Variants in ATRNL1 observed in about 807,000 individuals in gnomAD.
The protein encoded by ATRNL1 is attractin-like protein 1.
ATRNL1 carries 95 observed loss-of-function variants against 182.7 expected under a neutral mutation model. The ratio of observed to expected loss-of-function variants is 0.52; its 90% CI spans 0.44 to 0.62. The LOEUF (loss-of-function observed/expected upper bound fraction) is 0.62. Among genes scored for constraint, ATRNL1 ranks in the 20% least tolerant of loss-of-function variants. The pLI is 0.00. For missense variants in ATRNL1, 1,471 were observed against 1,679.5 expected, an observed-to-expected ratio of 0.88 and a Z score of 2.17; for synonymous variants, 576 against 568.3, an observed-to-expected ratio of 1.01 and a Z score of -0.19.
At position 115,741,637 on chromosome 10, in the gene ATRNL1, GA is replaced by G. The variant is rs1342060902; in HGVS notation, c.3903+14283del. On this transcript the variant is annotated intron_variant, in intron 27 of 28. Coordinates refer to ENST00000355044, the MANE Select transcript of ATRNL1 (RefSeq NM_207303.4). The stretch of plus-strand genomic sequence containing the variant: ...ACTGGATTGAAGAATAATTGAGGTA[GA>G]GAAACAATTTGGAAGGGCAGGCGCT... 6.6e-5 allele frequency among the ~76,000 whole-genome samples: 10 copies of G among 152,170 alleles called. 1 individual carries two copies. The highest frequency in any genetic ancestry group is 1.0e-4 in the Non-Finnish European group (7 of 68,032).
At chr10:115,145,606 G>A (rs1554879144) in intron 5 of ATRNL1, among the ~76,000 whole-genome samples, 3 of 152,146 alleles carry the variant, frequency 2.0e-5, no homozygotes, top group African/African-American at 7.2e-5. Flanking sequence ...GAATACTTTG[G>A]ATACTGTAAC....
chr10:115,942,287 A>G (rs1053982043), intron 28 of ATRNL1, among the ~76,000 whole-genome samples: 2 of 152,222 alleles, frequency 1.3e-5, no homozygotes, highest in Non-Finnish European at 2.9e-5. Flanking sequence ...CATGGAACTT[A>G]TGTCTGCTGG....
intron 5 of ATRNL1, among the ~76,000 whole-genome samples, chr10:115,145,090 A>G (rs1310140461): frequency 6.6e-6 from 1 of 152,124 alleles, no homozygotes; most frequent in African/African-American, 2.4e-5. Context: ...TTTTTGAAAT[A>G]TGATTTTGAC....
Position 115,821,908 on chromosome 10 carries a change from C to T in ATRNL1, c.3904-25969C>T, listed in dbSNP as rs144383225. Among the ~76,000 whole-genome samples the T allele has an allele frequency of 1.0e-2, 1,515 of 152,260 alleles. 31 individuals carry two copies. The highest frequency in any genetic ancestry group is 0.035 in the African/African-American group (1,434 of 41,540). ...TTAACAAGGATATTCAGGACTTGAA[C>T]TCAGCTCTGGACCAAGCGGAGATAA... On this transcript the variant is annotated intron_variant, in intron 27 of 28. Transcript: ENST00000355044.
chr10:115,093,525 G>C lies in ATRNL1; in HGVS notation c.-226G>C. 1 of 676,686 alleles carries C rather than the reference G, an allele frequency of 1.5e-6. No individual in the cohort carries two copies. Among genetic ancestry groups the C allele is most frequent in the Non-Finnish European group, 2.7e-6 (1 of 373,070 alleles). 41.9% of individuals were successfully genotyped at this position (676,686 alleles called of 1,614,324 possible). On this transcript the variant is annotated 5_prime_UTR_variant, in exon 1 of 29. Coordinates refer to ENST00000355044, the MANE Select transcript of ATRNL1 (RefSeq NM_207303.4). This position sits in a 1 kb window ranked among gnomAD's most constrained non-coding sequence, Gnocchi z 6.1. Reference sequence around the variant, plus strand: ...TGTGGGGTCGGCCCGCTAAGGACAAGGTCGGGAGACTGGGTGGCGATGCCC... The same window carrying C: ...TGTGGGGTCGGCCCGCTAAGGACAACGTCGGGAGACTGGGTGGCGATGCCC...
At chr10:115,794,874 A>C (rs1043825606) in intron 27 of ATRNL1, among the ~76,000 whole-genome samples, 4 of 152,180 alleles carry the variant, frequency 2.6e-5, no homozygotes, top group African/African-American at 7.2e-5. Context: ...CTTTCAATTT[A>C]ATATTTCCTT....
At chr10:115,374,281 TCA>T (rs1439765248) in intron 19 of ATRNL1, among the ~76,000 whole-genome samples, 1 of 151,742 alleles carries the variant, frequency 6.6e-6, no homozygotes, top group Non-Finnish European at 1.5e-5. Context: ...GTTTATCTTT[TCA>T]AAGGAAAAAA....
At chr10:115,683,499 T>A (rs1288099651) in intron 26 of ATRNL1, among the ~76,000 whole-genome samples, 2 of 145,782 alleles carry the variant, frequency 1.4e-5, no homozygotes, top group African/African-American at 4.9e-5. Flanking sequence ...CTTTCTGTGT[T>A]GATAGAAACC....
intron 27 of ATRNL1, among the ~76,000 whole-genome samples, chr10:115,847,386 G>A (rs1389632100): frequency 6.6e-6 from 1 of 152,062 alleles, no homozygotes; most frequent in Admixed American, 6.6e-5. Flanking sequence ...GAAAAAATAG[G>A]TAGCTGTATC....
chr10:115,855,927 A>G (rs892529400), intron 28 of ATRNL1, among the ~76,000 whole-genome samples: 5 of 152,198 alleles, frequency 3.3e-5, no homozygotes, highest in African/African-American at 1.2e-4. Flanking sequence ...TGATTTGAAC[A>G]CTGATTTATT....
At chr10:115,189,573 G>GA (rs1311951073) in intron 8 of ATRNL1, among the ~76,000 whole-genome samples, 1 of 151,742 alleles carries the variant, frequency 6.6e-6, no homozygotes, top group Non-Finnish European at 1.5e-5. Flanking sequence ...AATAAAAAGT[G>GA]AAAAAATAGG....
At chr10:115,456,627 G>A (rs1847537667) in intron 21 of ATRNL1, among the ~76,000 whole-genome samples, 1 of 152,098 alleles carries the variant, frequency 6.6e-6, no homozygotes, top group Non-Finnish European at 1.5e-5. Flanking sequence ...AGAACTTAAA[G>A]TATAATAATA....
At chr10:115,110,852 A>G (rs914455532) in intron 1 of ATRNL1, among the ~76,000 whole-genome samples, 2 of 152,236 alleles carry the variant, frequency 1.3e-5, no homozygotes, top group South Asian at 2.1e-4. Flanking sequence ...TAAGCTTTTT[A>G]TAACACCTTG....
At chr10:115,382,010 A>G (rs1264337420) in intron 19 of ATRNL1, among the ~76,000 whole-genome samples, 1 of 152,066 alleles carries the variant, frequency 6.6e-6, no homozygotes, top group Non-Finnish European at 1.5e-5. Flanking sequence ...ATTGGCCATA[A>G]GTGTAATGGT....
intron 24 of ATRNL1, among the ~76,000 whole-genome samples, chr10:115,484,167 T>A (rs890300173): frequency 1.3e-4 from 19 of 151,598 alleles, no homozygotes; most frequent in African/African-American, 4.1e-4. Context: ...TTCATATCTT[T>A]TAAAATTCTA....
intron 24 of ATRNL1, among the ~76,000 whole-genome samples, chr10:115,505,916 G>A (rs1850089055): frequency 1.3e-5 from 2 of 151,324 alleles, no homozygotes; most frequent in Admixed American, 1.3e-4. Context: ...ACCAGAAAGG[G>A]CTGGATTCAG....
chr10:115,365,133 G>A (rs1171912993), intron 19 of ATRNL1, among the ~76,000 whole-genome samples: 4 of 151,846 alleles, frequency 2.6e-5, no homozygotes, highest in African/African-American at 9.7e-5. Context: ...GAATTCGGCT[G>A]TGAATCCATC....
chr10:115,923,873 G>GTGTA, intron 28 of ATRNL1, among the ~76,000 whole-genome samples: 1 of 152,222 alleles, frequency 6.6e-6, no homozygotes, highest in East Asian at 1.9e-4. Context: ...CCCACCAACA[G>GTGTA]TGTAAAAGCG....
At chr10:115,558,349 C>T (rs1224036779) in intron 26 of ATRNL1, among the ~76,000 whole-genome samples, 1 of 152,088 alleles carries the variant, frequency 6.6e-6, no homozygotes, top group Non-Finnish European at 1.5e-5. Flanking sequence ...GTTTTAAGTA[C>T]CCAATTTGAG....
Sources: allele counts gnomAD v4.1 joint callset (sites outside exome capture counted in the v4.1 genomes callset), GRCh38; gene constraint gnomAD v4.1.1; non-coding constraint Gnocchi (gnomAD v3.1); transcripts MANE v1.5; gene names NCBI Gene and HGNC (gene_info 2026-07-23, HGNC 2026-07-21).